Variants in BRD8 observed in about 807,000 individuals in gnomAD.
BRD8 encodes the protein bromodomain-containing protein 8.
A neutral mutation model predicts 143.1 loss-of-function variants in BRD8; 67 were observed. The observed-to-expected ratio is 0.47, with a 90% CI of 0.38 to 0.57. BRD8 has a LOEUF of 0.57. BRD8 is among the 20% of genes least tolerant of loss of function. The pLI is 0.00. For missense variants in BRD8, 1,103 were observed against 1,503.0 expected (o/e 0.73, Z 4.40); for synonymous variants, 505 against 517.1 (o/e 0.98, Z 0.32).
rs374362323 is a variant in BRD8 at position 138,165,726 on chromosome 5, C to CAAAAAAAAAAA, written c.1278+91_1278+101dup. The CAAAAAAAAAAA allele has an allele frequency of 5.0e-5, 47 of 946,438 alleles. No individual in the cohort carries two copies. The African/African-American group carries it at 1.2e-3, about 25-fold the overall frequency. 58.6% of individuals were successfully genotyped at this position (946,438 alleles called of 1,614,324 possible). On this transcript the variant is annotated intron_variant, in intron 11 of 26. Transcript: ENST00000254900. Reference sequence around the variant, plus strand: ...GGATGAAAGAGCAAGACTCTGTCTCCAAAAAAAAAAAAAAAAAAGCAGCAG... The same window carrying CAAAAAAAAAAA: ...GGATGAAAGAGCAAGACTCTGTCTCCAAAAAAAAAAAAAAAAAAAAAAAAAAAAAGCAGCAG...
Position 138,172,811 on chromosome 5 carries a change from G to A in BRD8, c.117-677C>T, listed in dbSNP as rs780983322. On this transcript the variant is annotated intron_variant, in intron 2 of 26. Transcript: ENST00000254900. ...AGAGGCTGCAGTGAGCCCAAATCGC[G>A]CCACTGCACTCCAGCCTGGGTGACA... The A allele has an allele frequency of 5.1e-5, 20 of 390,316 alleles. No homozygotes were observed. The East Asian group carries it at 6.8e-4, about 13-fold the overall frequency. 24.2% of individuals were successfully genotyped at this position (390,316 alleles called of 1,614,324 possible).
chr5:138,150,753 T>G lies in BRD8; in HGVS notation c.3112A>C (p.Ser1038Arg). ...ICTVQGLLTE[S>R]EEGEAQQESK... ...TTAAGTTACTTTCTTACCTCTTCACTCTCTGTGAGTAGTCCCTGAACTGTA... is the reference window on the plus strand; with the variant it reads ...TTAAGTTACTTTCTTACCTCTTCACGCTCTGTGAGTAGTCCCTGAACTGTA... Residue 1038 changes from serine to arginine, a missense_variant, in exon 22 of 27, where the codon AGT becomes CGT. Transcript: ENST00000254900. The G allele has an allele frequency of 6.2e-7, 1 of 1,606,874 alleles. No homozygotes were observed. The highest frequency in any genetic ancestry group is 8.5e-7 in the Non-Finnish European group (1 of 1,177,714).
chr5:138,162,202 A>G, intron 15 of BRD8, 56 bp from the exon 16 acceptor site: 3 of 1,379,556 alleles, frequency 2.2e-6, no homozygotes, highest in Non-Finnish European at 3.0e-6. Context: ...AAAAATTATA[A>G]TTCTCTTTTC....
intron 3 of BRD8, 24 bp from the exon 4 acceptor site, chr5:138,171,434 G>GA: frequency 8.0e-7 from 1 of 1,256,254 alleles, no homozygotes; most frequent in Non-Finnish European, 1.1e-6. Flanking sequence ...AAAAAAAAGT[G>GA]AAAATGTGAT....
In BRD8 at chr5:138,164,828, G is replaced by C; in HGVS notation, c.1617C>G (p.Leu539=). The change falls in exon 12 of 27, where the codon CTC becomes CTG. Residue 539 remains leucine (L), a synonymous_variant. Coordinates refer to ENST00000254900, the MANE Select transcript of BRD8 (RefSeq NM_139199.2). ...GTTCCTCATCTAAGTCCTGACTCCT[G>C]AGTTCTGGTGGCTCCATACTTGTGG... ...VPATSMEPPE[L]RSQDLDEELG... is the part of the protein sequence containing the mutation. 6.2e-7 allele frequency: 1 copy of C among 1,614,222 alleles called. No individual in the cohort carries two copies. Among genetic ancestry groups the C allele is most frequent in the South Asian group, 1.1e-5 (1 of 91,076 alleles).
rs74502982 is a variant in BRD8 at position 138,170,777 on chromosome 5, G to C, written c.440+55C>G. 555 of 1,468,720 alleles carry C rather than the reference G, an allele frequency of 3.8e-4. 2 individuals carry two copies. The African/African-American group carries it at 6.9e-3, about 18-fold the overall frequency. 91.0% of individuals were successfully genotyped at this position (1,468,720 alleles called of 1,614,324 possible). On this transcript the variant is annotated intron_variant, in intron 6 of 26. Coordinates refer to ENST00000254900, the MANE Select transcript of BRD8 (RefSeq NM_139199.2). ...GGAGGAAATAAGCCAGATTACTTGA[G>C]GGGAAAAGAGGGTAAAAAGAAAGAA... is the stretch of plus-strand genomic sequence containing the variant.
intron 23 of BRD8, among the ~76,000 whole-genome samples, chr5:138,148,196 A>T (rs1752237065): frequency 6.6e-6 from 1 of 151,830 alleles, no homozygotes; most frequent in Admixed American, 6.6e-5. Flanking sequence ...AAGGGAAAAA[A>T]AAAGGGTCAG....
rs1274065840 is a variant in BRD8 at position 138,150,750 on chromosome 5, C to A, written c.3115G>T (p.Glu1039Ter). Residue 1039 changes from glutamate (E) to a stop codon, truncating the protein, a stop_gained, in exon 22 of 27, where the codon GAA (glutamate) becomes TAA (stop). Coordinates refer to ENST00000254900, the MANE Select transcript of BRD8 (RefSeq NM_139199.2). LOFTEE classifies it high-confidence loss of function. ...GATTTAAGTTACTTTCTTACCTCTT[C>A]ACTCTCTGTGAGTAGTCCCTGAACT... The part of the protein sequence containing the change: ...CTVQGLLTES[E>*]EGEAQQESKG... The A allele has an allele frequency of 6.2e-7, 1 of 1,606,444 alleles. No homozygotes were observed. Among genetic ancestry groups the A allele is most frequent in the Non-Finnish European group, 8.5e-7 (1 of 1,177,430 alleles).
At chr5:138,165,680 C>G in intron 11 of BRD8, 148 bp downstream of exon 11, 1 of 871,220 alleles carries the variant, frequency 1.1e-6, no homozygotes, top group Non-Finnish European at 1.7e-6. Context: ...AAGCCAAGAT[C>G]GTGCCACTGC....
Position 138,166,674 on chromosome 5 carries a change from G to C in BRD8, c.841C>G (p.Pro281Ala). The change falls in exon 10 of 27, where the codon CCT becomes GCT. Residue 281 changes from proline to alanine, a missense_variant. Transcript: ENST00000254900. ...GCAACAGTAGTGAAGGAAGCAAGAG[G>C]TGTGGTGAACTGTGTAGGACCAGCT... Reference protein sequence around the residue: ...LEAGPTQFTTPLASFTTVASE... With the variant: ...LEAGPTQFTTALASFTTVASE... 6.2e-7 allele frequency: 1 copy of C among 1,614,034 alleles called. No homozygotes were observed. Among genetic ancestry groups the C allele is most frequent in the Non-Finnish European group, 8.5e-7 (1 of 1,179,932 alleles).
chr5:138,156,017 G>A (rs1444620515), intron 20 of BRD8, among the ~76,000 whole-genome samples: 3 of 151,648 alleles, frequency 2.0e-5, no homozygotes, highest in Non-Finnish European at 4.4e-5. Flanking sequence ...TGGGACTACA[G>A]GTGCACACCA....
At chr5:138,157,326 G>A in intron 20 of BRD8, 3 of 1,606,670 alleles carry the variant, frequency 1.9e-6, no homozygotes, top group Non-Finnish European at 2.5e-6. Context: ...AAGAGACGGT[G>A]CAACAGAAAA....
intron 14 of BRD8, 128 bp from the exon 15 acceptor site, chr5:138,163,472 T>C: frequency 1.5e-6 from 2 of 1,350,852 alleles, no homozygotes; most frequent in South Asian, 1.3e-5. Flanking sequence ...CTGACTCAGC[T>C]GTCTATCACT....
rs201918313 is a variant in BRD8, at chr5:138,157,181, C to A, written c.2577+2374G>T. On this transcript the variant is annotated intron_variant, in intron 20 of 26. Coordinates refer to ENST00000254900, the MANE Select transcript of BRD8 (RefSeq NM_139199.2). ...ATCTTGTTTACTTTTATTTTAGGTTCGGCTCAAAGAGGGTAACTCTGAGGC... is the reference window on the plus strand; with the variant it reads ...ATCTTGTTTACTTTTATTTTAGGTTAGGCTCAAAGAGGGTAACTCTGAGGC... 313 of 1,611,420 alleles carry A rather than the reference C, an allele frequency of 1.9e-4. No individual in the cohort carries two copies. The African/African-American group carries it at 3.9e-3, about 20-fold the overall frequency.
intron 3 of BRD8, 41 bp downstream of exon 3, chr5:138,172,024 C>T (rs114045719): frequency 3.3e-6 from 5 of 1,534,704 alleles, no homozygotes; most frequent in Admixed American, 1.7e-5. Flanking sequence ...TACTTTACAA[C>T]CCAAAGACTG....
intron 2 of BRD8, chr5:138,177,114 G>A (rs1234800132): frequency 6.7e-6 from 1 of 148,550 alleles, no homozygotes; most frequent in Admixed American, 6.7e-5. Flanking sequence ...AATAGGCCTG[G>A]CAGTGGCTCA....
chr5:138,141,581 T>A (rs970650846), intron 25 of BRD8, among the ~76,000 whole-genome samples: 4 of 152,224 alleles, frequency 2.6e-5, no homozygotes, highest in Admixed American at 1.3e-4. Flanking sequence ...GGAGGAGTGC[T>A]GGCCCCAGGT....
At position 138,144,187 on chromosome 5, in the gene BRD8, GACC is replaced by G. The variant is rs575166767; in HGVS notation, c.3437+987_3437+989del. On this transcript the variant is annotated intron_variant, in intron 25 of 26. Transcript: ENST00000254900. ...GCAGCTTCACTCCTGAAGCCAGCGA[GACC>G]ACCAACCCACTGGGAGGAACGAACA... Among the ~76,000 whole-genome samples, 465 of 152,224 alleles carry G rather than the reference GACC, an allele frequency of 3.1e-3. 1 individual carries two copies. The highest frequency in any genetic ancestry group is 7.0e-3 in the Admixed American group (107 of 15,296).
At chr5:138,160,242 A>T in intron 18 of BRD8, 69 bp from the exon 19 acceptor site, 1 of 1,057,190 alleles carries the variant, frequency 9.5e-7, no homozygotes, top group Non-Finnish European at 1.5e-6. Flanking sequence ...GTACACTTTA[A>T]GCACTGTAAA....
Sources: allele counts gnomAD v4.1 joint callset (sites outside exome capture counted in the v4.1 genomes callset), GRCh38; gene constraint gnomAD v4.1.1; transcripts MANE v1.5; gene names NCBI Gene and HGNC (gene_info 2026-07-23, HGNC 2026-07-21).